Variants in SUPT3H observed in about 807,000 individuals in gnomAD.
The protein encoded by SUPT3H is SPT3 homolog, SAGA and STAGA complex component.
SUPT3H carries 44 observed loss-of-function variants against 44.3 expected under a neutral mutation model. The ratio of observed to expected loss-of-function variants is 0.99; its 90% CI spans 0.78 to 1.28. SUPT3H has a LOEUF of 1.28. SUPT3H is among the 50% of genes most tolerant of loss of function. SUPT3H has a pLI of 0.00. For synonymous variants in SUPT3H, 124 were observed against 125.6 expected (o/e 0.99, Z 0.09); for missense variants, 380 against 387.1 (o/e 0.98, Z 0.15).
At chr6:44,903,751 T>C (rs1396251381) in intron 10 of SUPT3H, among the ~76,000 whole-genome samples, 1 of 152,140 alleles carries the variant, frequency 6.6e-6, no homozygotes, top group African/African-American at 2.4e-5. Flanking sequence ...TAGACCAATA[T>C]CTGTGATTAA....
chr6:44,922,680 T>C (rs1351520501), intron 10 of SUPT3H, among the ~76,000 whole-genome samples: 1 of 152,178 alleles, frequency 6.6e-6, no homozygotes, highest in Non-Finnish European at 1.5e-5. Context: ...ATTCAACTAA[T>C]TTGTATATAA....
chr6:44,900,146 A>G (rs1561998196), intron 10 of SUPT3H, among the ~76,000 whole-genome samples: 2 of 152,242 alleles, frequency 1.3e-5, no homozygotes, highest in Admixed American at 6.5e-5. Context: ...TACCCGGTTC[A>G]TCTCACTGGG....
At chr6:45,061,893 GTTTTTTTTT>G (rs34656186) in intron 3 of SUPT3H, among the ~76,000 whole-genome samples, 5 of 93,518 alleles carry the variant, frequency 5.3e-5, no homozygotes, top group African/African-American at 2.0e-4. Context: ...TCCATAAGCT[GTTTTTTTTT>G]TTTTTTTTTT....
At chr6:45,368,221 G>T (rs113903014) in intron 1 of SUPT3H, among the ~76,000 whole-genome samples, 1 of 152,072 alleles carries the variant, frequency 6.6e-6, no homozygotes, top group African/African-American at 2.4e-5. Flanking sequence ...TGCAGATTGG[G>T]ACCTAGATTA....
intron 10 of SUPT3H, among the ~76,000 whole-genome samples, chr6:44,915,439 A>T (rs555046340): frequency 6.6e-6 from 1 of 152,170 alleles, no homozygotes; most frequent in East Asian, 1.9e-4. Context: ...CCATAAACCA[A>T]AAGTAAAGTT....
intron 2 of SUPT3H, among the ~76,000 whole-genome samples, chr6:45,281,361 A>G (rs1166917447): frequency 6.6e-6 from 1 of 152,236 alleles, no homozygotes; most frequent in Non-Finnish European, 1.5e-5. Flanking sequence ...GGGGTGACAG[A>G]CAGCACCTGG....
At chr6:45,046,588 C>T (rs1789435566) in intron 3 of SUPT3H, among the ~76,000 whole-genome samples, 1 of 152,220 alleles carries the variant, frequency 6.6e-6, no homozygotes, top group African/African-American at 2.4e-5. Context: ...ACCTCGGCCT[C>T]CTAAAGTGCT....
chr6:45,346,323 T>C (rs1790850078), intron 2 of SUPT3H, among the ~76,000 whole-genome samples: 1 of 151,976 alleles, frequency 6.6e-6, no homozygotes, highest in African/African-American at 2.4e-5. Flanking sequence ...ATAAATAAAA[T>C]AGATTTTTAA....
At chr6:44,893,547 G>A (rs1763645744) in intron 10 of SUPT3H, among the ~76,000 whole-genome samples, 1 of 152,220 alleles carries the variant, frequency 6.6e-6, no homozygotes, top group Admixed American at 6.5e-5. Flanking sequence ...CAAAGGACGT[G>A]AACTCATCAT....
chr6:44,948,586 G>C (rs1267689021), intron 9 of SUPT3H, among the ~76,000 whole-genome samples: 1 of 152,222 alleles, frequency 6.6e-6, no homozygotes, highest in East Asian at 1.9e-4. Flanking sequence ...CGAAGGATAT[G>C]AACAGACACT....
At chr6:45,023,811 T>C (rs920827411) in intron 3 of SUPT3H, among the ~76,000 whole-genome samples, 1 of 152,140 alleles carries the variant, frequency 6.6e-6, no homozygotes, top group Non-Finnish European at 1.5e-5. Flanking sequence ...GTAGTGGGCT[T>C]AATTCCTGGG....
At chr6:45,147,165 C>A (rs1015267904) in intron 2 of SUPT3H, among the ~76,000 whole-genome samples, 2 of 152,030 alleles carry the variant, frequency 1.3e-5, no homozygotes, top group Admixed American at 6.6e-5. Flanking sequence ...AGTAGGTGAG[C>A]GAGAAATCTA....
chr6:45,031,510 A>G (rs1786935333), intron 3 of SUPT3H, among the ~76,000 whole-genome samples: 1 of 152,176 alleles, frequency 6.6e-6, no homozygotes, highest in East Asian at 1.9e-4. Flanking sequence ...ATAATTTCTC[A>G]TGTAAAATTA....
intron 10 of SUPT3H, among the ~76,000 whole-genome samples, chr6:44,876,485 A>C (rs1321488888): frequency 1.2e-4 from 15 of 123,542 alleles, no homozygotes; most frequent in Admixed American, 2.8e-4. Context: ...GGGGAATATC[A>C]TACTCTGTGG....
At chr6:44,825,453 A>G (rs1204585164), downstream of SUPT3H, among the ~76,000 whole-genome samples, 1 of 152,170 alleles carries the variant, frequency 6.6e-6, no homozygotes, top group African/African-American at 2.4e-5. Flanking sequence ...ACGTTGTGTA[A>G]CAGTGGTTAA....
chr6:45,184,941 G>T (rs1213225950), intron 2 of SUPT3H, among the ~76,000 whole-genome samples: 1 of 152,070 alleles, frequency 6.6e-6, no homozygotes. Context: ...CAGGCCAAAT[G>T]GTACATTAAA....
At chr6:45,182,067 C>T (rs1813351291) in intron 2 of SUPT3H, among the ~76,000 whole-genome samples, 3 of 151,828 alleles carry the variant, frequency 2.0e-5, no homozygotes, top group East Asian at 3.9e-4. Flanking sequence ...TTGTACTTTA[C>T]CTTAATAAAT....
intron 3 of SUPT3H, among the ~76,000 whole-genome samples, chr6:45,059,314 T>C (rs182562464): frequency 1.9e-3 from 285 of 152,182 alleles, no homozygotes; most frequent in African/African-American, 6.7e-3. Context: ...ATTCATCACA[T>C]AAACAGAACT....
At chr6:45,013,328 G>C (rs1783771674) in intron 5 of SUPT3H, among the ~76,000 whole-genome samples, 1 of 151,960 alleles carries the variant, frequency 6.6e-6, no homozygotes, top group Admixed American at 6.6e-5. Flanking sequence ...CTTCATTGTT[G>C]TTGTTGTTAT....
Sources: allele counts gnomAD v4.1 joint callset (sites outside exome capture counted in the v4.1 genomes callset), GRCh38; gene constraint gnomAD v4.1.1; transcripts MANE v1.5; gene names NCBI Gene and HGNC (gene_info 2026-07-23, HGNC 2026-07-21).